The following PLXND1 variants were observed in gnomAD, a reference collection of about 807,000 sequenced individuals.
The protein encoded by PLXND1 is plexin-D1.
Under a neutral mutation model 197.7 loss-of-function variants are expected in PLXND1, and 54 were observed. The ratio of observed to expected loss-of-function variants is 0.27; its 90% CI spans 0.22 to 0.34. The LOEUF (loss-of-function observed/expected upper bound fraction) is 0.34. PLXND1 is among the 10% of genes least tolerant of loss of function. The pLI is 1.00. For missense variants in PLXND1, 2,127 were observed against 2,699.2 expected, an observed-to-expected ratio of 0.79 and a Z score of 4.70; for synonymous variants, 1,180 against 1,161.2, an observed-to-expected ratio of 1.02 and a Z score of -0.33.
intron 22 of PLXND1, 27 bp from the exon 23 acceptor site, chr3:129,566,658 A>C: frequency 1.8e-5 from 25 of 1,418,728 alleles, no homozygotes; most frequent in Non-Finnish European, 2.1e-5. Flanking sequence ...CCAGCATCTC[A>C]GCGGGGCTGG....
Position 129,562,894 on chromosome 3 carries a change from C to A in PLXND1, c.4718G>T (p.Arg1573Leu). 1.2e-6 allele frequency: 2 copies of A among 1,610,262 alleles called. No homozygotes were observed. The highest frequency in any genetic ancestry group is 1.7e-6 in the Non-Finnish European group (2 of 1,176,816). ...QGCGMDSLSV[R>L]AMDTDTLTQV... is the part of the protein sequence containing the mutation. Reference sequence around the variant, plus strand: ...TGTCAGCGTGTCGGTGTCCATGGCCCGCACGCTCAGCGAGTCCATGCCACA... The same window carrying A: ...TGTCAGCGTGTCGGTGTCCATGGCCAGCACGCTCAGCGAGTCCATGCCACA... The change falls in exon 27 of 36, where the codon CGG becomes CTG. Residue 1573 changes from arginine (R) to leucine (L), a missense_variant. Coordinates refer to ENST00000324093, the MANE Select transcript of PLXND1 (RefSeq NM_015103.3).
At position 129,566,501 on chromosome 3, in the gene PLXND1, CTG is replaced by C. The variant is rs754012212; in HGVS notation, c.4191+24_4191+25del. The C allele has an allele frequency of 3.6e-4, 513 of 1,413,034 alleles. 5 individuals carry two copies. The highest frequency in any genetic ancestry group is 8.8e-4 in the Middle Eastern group (5 of 5,678). 87.5% of individuals were successfully genotyped at this position (1,413,034 alleles called of 1,614,324 possible). A position where few individuals can be genotyped will look rare whatever the true frequency, so the allele number is the denominator to read the frequency against. ...AGCAGGGTTGCCCTGAAGCAGCCCA[CTG>C]TGTGTGGGTCGTGGGGTACTCACCT... On this transcript the variant is annotated intron_variant, in intron 23 of 35. Transcript: ENST00000324093.
At chr3:129,581,382 C>G (rs1013867414) in intron 8 of PLXND1, among the ~76,000 whole-genome samples, 2 of 152,192 alleles carry the variant, frequency 1.3e-5, no homozygotes, top group Non-Finnish European at 2.9e-5. Flanking sequence ...AGCCATCTGA[C>G]AGGACGCTGC....
intron 20 of PLXND1, 157 bp downstream of exon 20, chr3:129,569,686 C>T: frequency 1.6e-6 from 1 of 614,122 alleles, no homozygotes; most frequent in East Asian, 2.8e-5. Context: ...GGCACACCTC[C>T]CCCAACCTCT....
At chr3:129,556,551 G>C in intron 35 of PLXND1, 66 bp downstream of exon 35, 1 of 1,354,930 alleles carries the variant, frequency 7.4e-7, no homozygotes, top group Non-Finnish European at 1.1e-6. Flanking sequence ...AGCACCCTGA[G>C]ATGTGTGTCC....
At position 129,605,253 on chromosome 3, in the gene PLXND1, C is replaced by G. The variant is rs901834471; in HGVS notation, c.1311+76G>C. 1.2e-5 allele frequency: 7 copies of G among 570,440 alleles called. No homozygotes were observed. In the Admixed American group the frequency reaches 2.8e-4, roughly 23 times the overall value. The allele number at this position is 570,440 out of a possible 1,614,324, so 35.3% of individuals were successfully genotyped here. The stretch of plus-strand genomic sequence containing the variant: ...CCTGTGACCCACTCAGCTCACGACC[C>G]GCTCGGTTCCCGCCCGCCCCCGCCC... On this transcript the variant is annotated intron_variant, in intron 1 of 35. Coordinates refer to ENST00000324093, the MANE Select transcript of PLXND1 (RefSeq NM_015103.3).
Position 129,606,511 on chromosome 3 carries a change from C to T in PLXND1, c.129G>A (p.Arg43=), listed in dbSNP as rs2085797314. 2 of 1,395,476 alleles carry T rather than the reference C, an allele frequency of 1.4e-6. No homozygotes were observed. The highest frequency in any genetic ancestry group is 1.7e-5 in the South Asian group (1 of 58,710). 86.4% of individuals were successfully genotyped at this position (1,395,476 alleles called of 1,614,324 possible). ...LLLLLLLGAA[R]AGALEIQRRF... ...GACGCTGGATCTCCAGGGCGCCGGC[C>T]CGCGCCGCCCCCAGGAGCAGCAGCA... Residue 43 remains arginine (R), a synonymous_variant, in exon 1 of 36, where the codon CGG becomes CGA. Coordinates refer to ENST00000324093, the MANE Select transcript of PLXND1 (RefSeq NM_015103.3).
In PLXND1 at chr3:129,578,323, A is replaced by T; in HGVS notation, c.2346+6T>A. ...CCCACCCGGCGCTGGCCTGGCTTCTACTTACCTGGAAAAAGGCAGTGTTGG... is the reference window on the plus strand; with the variant it reads ...CCCACCCGGCGCTGGCCTGGCTTCTTCTTACCTGGAAAAAGGCAGTGTTGG... On this transcript the variant is annotated splice_donor_region_variant and intron_variant, in intron 9 of 35. Coordinates refer to ENST00000324093, the MANE Select transcript of PLXND1 (RefSeq NM_015103.3). 3 of 1,581,526 alleles carry T rather than the reference A, an allele frequency of 1.9e-6. No homozygotes were observed. Among genetic ancestry groups the T allele is most frequent in the Non-Finnish European group, 2.6e-6 (3 of 1,159,588 alleles).
In PLXND1 at chr3:129,605,918, C is replaced by A; in HGVS notation, c.722G>T (p.Arg241Leu). Reference sequence around the variant, plus strand: ...CAGGTCGCCGCGCGTGTCCAGGGAGCGGATGGCGATCTCGGGCGTGTTCTC... The same window carrying A: ...CAGGTCGCCGCGCGTGTCCAGGGAGAGGATGGCGATCTCGGGCGTGTTCTC... ...RFENTPEIAI[R>L]SLDTRGDLAK... The change falls in exon 1 of 36, where the codon CGC (arginine) becomes CTC (leucine). Residue 241 changes from arginine (R) to leucine (L), a missense_variant. Around this residue, in one of 6 missense-constraint regions of PLXND1, gnomAD observed 1,095 missense variants for 1,259.8 expected, o/e 0.87. Coordinates refer to ENST00000324093, the MANE Select transcript of PLXND1 (RefSeq NM_015103.3). 1 of 1,613,478 alleles carries A rather than the reference C, an allele frequency of 6.2e-7. No homozygotes were observed. Among genetic ancestry groups the A allele is most frequent in the Non-Finnish European group, 8.5e-7 (1 of 1,179,878 alleles).
At position 129,563,058 on chromosome 3, in the gene PLXND1, A is replaced by G. The variant is rs772513592; in HGVS notation, c.4668+36T>C. 5.6e-6 allele frequency: 9 copies of G among 1,612,138 alleles called. No individual in the cohort carries two copies. The South Asian group carries it at 8.8e-5, about 16-fold the overall frequency. On this transcript the variant is annotated intron_variant, in intron 26 of 35. Coordinates refer to ENST00000324093, the MANE Select transcript of PLXND1 (RefSeq NM_015103.3). ...GGGTCAATGCCGTTGGCGGCGACAC[A>G]GCAGCCCTGGGACCCTCCCCGCCCT... is the stretch of plus-strand genomic sequence containing the variant.
Position 129,555,878 on chromosome 3 carries a change from A to G in PLXND1, c.*434T>C, listed in dbSNP as rs2084965821. On this transcript the variant is annotated 3_prime_UTR_variant, in exon 36 of 36. Transcript: ENST00000324093. ...CAGAAACCAATCAAAGGTCAGTTCAAGGAGGGCTCCCTGCACCAGTGTGGA... is the reference window on the plus strand; with the variant it reads ...CAGAAACCAATCAAAGGTCAGTTCAGGGAGGGCTCCCTGCACCAGTGTGGA... 6.7e-6 allele frequency: 2 copies of G among 298,254 alleles called. No individual in the cohort carries two copies. Among genetic ancestry groups the G allele is most frequent in the Admixed American group, 9.8e-5 (2 of 20,466 alleles). The allele number at this position is 298,254 out of a possible 1,614,324, so 18.5% of individuals were successfully genotyped here. A position where few individuals can be genotyped will look rare whatever the true frequency, so the allele number is the denominator to read the frequency against.
Position 129,571,204 on chromosome 3 carries a change from A to G in PLXND1, c.3436T>C (p.Tyr1146His). 1 of 1,614,166 alleles carries G rather than the reference A, an allele frequency of 6.2e-7. No individual in the cohort carries two copies. Among genetic ancestry groups the G allele is most frequent in the Non-Finnish European group, 8.5e-7 (1 of 1,180,010 alleles). Residue 1146 changes from tyrosine (Y) to histidine (H), a missense_variant, in exon 18 of 36, where the codon TAC becomes CAC. By Grantham distance (83) the Tyr-to-His change is moderately conservative. This residue lies in a region of PLXND1 where 532 missense variants were observed against 811.0 expected (regional missense o/e 0.66). Transcript: ENST00000324093. ...PVDFFINGRA[Y>H]ADEVAVAEEL... ...TCAGCCACAGCCACCTCGTCTGCGT[A>G]GGCCCGCCCATTGATGAAGAAGTCC... is the stretch of plus-strand genomic sequence containing the variant.
intron 10 of PLXND1, 90 bp from the exon 11 acceptor site, chr3:129,575,652 G>A: frequency 8.0e-7 from 1 of 1,244,152 alleles, no homozygotes; most frequent in Non-Finnish European, 1.2e-6. Context: ...TGAAGTTGGG[G>A]CTGCTGGGGA....
chr3:129,592,735 T>G (rs1001391525), intron 1 of PLXND1, among the ~76,000 whole-genome samples: 1 of 152,252 alleles, frequency 6.6e-6, no homozygotes, highest in African/African-American at 2.4e-5. Flanking sequence ...TAAAAAATTT[T>G]TTTAAAGAAG....
chr3:129,585,492 C>T (rs571723208), intron 5 of PLXND1, among the ~76,000 whole-genome samples: 1 of 152,352 alleles, frequency 6.6e-6, no homozygotes, highest in South Asian at 2.1e-4. Flanking sequence ...GGAGAAATTT[C>T]AGTCTGGCAC....
At chr3:129,595,919 A>ACGCGCG (rs753387166) in intron 1 of PLXND1, among the ~76,000 whole-genome samples, 1 of 107,586 alleles carries the variant, frequency 9.3e-6, no homozygotes, top group African/African-American at 3.7e-5. Flanking sequence ...GGGTGCACGC[A>ACGCGCG]CGCACACACA....
chr3:129,576,423 T>C (rs2085315225), intron 9 of PLXND1, among the ~76,000 whole-genome samples: 1 of 152,240 alleles, frequency 6.6e-6, no homozygotes, highest in Non-Finnish European at 1.5e-5. Flanking sequence ...TGTGCCTCAC[T>C]TGATCCTCAT....
intron 12 of PLXND1, among the ~76,000 whole-genome samples, chr3:129,573,975 T>C (rs554706525): frequency 6.6e-6 from 1 of 152,254 alleles, no homozygotes; most frequent in South Asian, 2.1e-4. Flanking sequence ...GGACGCTACT[T>C]AGGGGGTCTC....
In PLXND1 at chr3:129,573,582, G is replaced by T. The variant is rs372961594; in HGVS notation, c.2837+12C>A. On this transcript the variant is annotated intron_variant, in intron 13 of 35. Coordinates refer to ENST00000324093, the MANE Select transcript of PLXND1 (RefSeq NM_015103.3). The stretch of plus-strand genomic sequence containing the variant: ...GCTGGAGAAGGTAGGTGGGGGCACC[G>T]TGGCTACTCACTCCTCCGACACCGT... 6.2e-7 allele frequency: 1 copy of T among 1,610,318 alleles called. No individual in the cohort carries two copies. Among genetic ancestry groups the T allele is most frequent in the Admixed American group, 1.7e-5 (1 of 59,914 alleles).
Sources: allele counts gnomAD v4.1 joint callset (sites outside exome capture counted in the v4.1 genomes callset), GRCh38; gene constraint gnomAD v4.1.1; regional missense constraint gnomAD v4.1.1; transcripts MANE v1.5; gene names NCBI Gene and HGNC (gene_info 2026-07-23, HGNC 2026-07-21).